The following RAD54B variants were observed in gnomAD, a reference collection of about 807,000 sequenced individuals.
RAD54B encodes DNA repair and recombination protein RAD54B.
A neutral mutation model predicts 95.8 loss-of-function variants in RAD54B; 78 were observed. The ratio of observed to expected loss-of-function variants is 0.81; its 90% CI spans 0.68 to 0.98. RAD54B has a LOEUF of 0.98. Ranked by LOEUF, RAD54B falls within the 50% of genes least tolerant of loss-of-function variation. The pLI, the probability that RAD54B is intolerant of heterozygous loss-of-function variation, is 0.00. For synonymous variants in RAD54B, 328 were observed against 354.9 expected (o/e 0.92, Z 0.85); for missense variants, 957 against 1,056.6 (o/e 0.91, Z 1.31).
At chr8:94,403,064 G>T (rs1044479494) in intron 6 of RAD54B, among the ~76,000 whole-genome samples, 6 of 152,172 alleles carry the variant, frequency 3.9e-5, no homozygotes, top group Admixed American at 3.9e-4. Context: ...ACAGTTTCTG[G>T]AAGACAGTAT....
At chr8:94,410,701 T>TG (rs1358265591) in intron 4 of RAD54B, among the ~76,000 whole-genome samples, 4 of 152,164 alleles carry the variant, frequency 2.6e-5, no homozygotes, top group Non-Finnish European at 5.9e-5. Flanking sequence ...CTTGCTCTGT[T>TG]TTTCAAAACA....
chr8:94,383,278 C>T (rs1481828348), intron 11 of RAD54B, among the ~76,000 whole-genome samples: 14 of 116,426 alleles, frequency 1.2e-4, no homozygotes, highest in Non-Finnish European at 5.3e-5. Flanking sequence ...GAGCAAGACT[C>T]CATCTCAAAA....
At chr8:94,460,466 G>A (rs1412263674) in intron 2 of RAD54B, among the ~76,000 whole-genome samples, 2 of 152,166 alleles carry the variant, frequency 1.3e-5, no homozygotes, top group East Asian at 3.9e-4. Context: ...GCCAGACCCT[G>A]CCTCAAAAAA....
chr8:94,432,331 G>A (rs1812121138), intron 3 of RAD54B: 9 of 1,550,290 alleles, frequency 5.8e-6, no homozygotes, highest in East Asian at 2.4e-5. Context: ...TGCAGGATCT[G>A]AGGATCATAC....
chr8:94,456,409 T>C (rs60654408), intron 3 of RAD54B, among the ~76,000 whole-genome samples: 11,475 of 152,212 alleles, frequency 0.075, 749 homozygotes, highest in African/African-American at 0.15. Context: ...ATAATAACAA[T>C]GTGTGGTTAT....
intron 3 of RAD54B, among the ~76,000 whole-genome samples, chr8:94,440,876 T>A (rs1044585707): frequency 6.6e-6 from 1 of 152,222 alleles, no homozygotes; most frequent in Non-Finnish European, 1.5e-5. Context: ...TTATATTGTT[T>A]TATACTCAGT....
intron 13 of RAD54B, 43 bp downstream of exon 13, chr8:94,378,525 T>C (rs1389953999): frequency 1.2e-5 from 18 of 1,518,336 alleles, no homozygotes; most frequent in Non-Finnish European, 1.6e-5. Flanking sequence ...TAATTTTAAT[T>C]ATTCAAAGAG....
rs1345183125 is a variant in RAD54B, at chr8:94,412,714, CTACT to C, written c.305-1403_305-1400del. On this transcript the variant is annotated intron_variant, in intron 3 of 14. Transcript: ENST00000336148. ...ATTTTTTTTCCTTTTTACTATTTTC[CTACT>C]TACTTAAATAGGAATAAGGCAACAA... Among the ~76,000 whole-genome samples the C allele has an allele frequency of 2.0e-5, 3 of 151,838 alleles. 1 individual carries two copies. In the East Asian group the frequency reaches 5.8e-4, roughly 29 times the overall value.
At chr8:94,467,580 C>A (rs781558069) in intron 1 of RAD54B, 25 bp from the exon 2 acceptor site, 13 of 1,584,186 alleles carry the variant, frequency 8.2e-6, no homozygotes, top group Non-Finnish European at 1.1e-5. Context: ...AAACAGTTAA[C>A]TATCCACGAA....
At chr8:94,395,492 TAG>T (rs1172359016) in intron 8 of RAD54B, among the ~76,000 whole-genome samples, 2 of 152,136 alleles carry the variant, frequency 1.3e-5, no homozygotes, top group African/African-American at 4.8e-5. Flanking sequence ...TTGCAAACTA[TAG>T]AGGAGAATAC....
chr8:94,387,767 A>G (rs1810924847), intron 10 of RAD54B, among the ~76,000 whole-genome samples: 1 of 152,194 alleles, frequency 6.6e-6, no homozygotes, highest in Non-Finnish European at 1.5e-5. Flanking sequence ...TTCCAAGGTG[A>G]TTATCAGCAC....
rs985628045 is a variant in RAD54B at position 94,372,219 on chromosome 8, T to C, written c.2684A>G (p.Asn895Ser). The C allele has an allele frequency of 1.9e-6, 3 of 1,611,900 alleles. No homozygotes were observed. Among genetic ancestry groups the C allele is most frequent in the Non-Finnish European group, 2.5e-6 (3 of 1,179,386 alleles). Residue 895 changes from asparagine to serine, a missense_variant, in exon 15 of 15, where the codon AAT (asparagine) becomes AGT (serine). Transcript: ENST00000336148. The stretch of plus-strand genomic sequence containing the variant: ...TATATTCTGAAAAATGAATGACACA[T>C]TTTCTGTTATTCTTTCAAGAAAAGG... ...TDPFLERITENVSFIFQNITT... is the reference protein window; with the variant it reads ...TDPFLERITESVSFIFQNITT...
At chr8:94,412,631 A>G (rs1409608894) in intron 3 of RAD54B, among the ~76,000 whole-genome samples, 3 of 152,174 alleles carry the variant, frequency 2.0e-5, no homozygotes, top group African/African-American at 7.2e-5. Context: ...TTTACGTCAT[A>G]CACACTTGAA....
intron 3 of RAD54B, chr8:94,428,739 C>A: frequency 1.0e-6 from 1 of 982,832 alleles, no homozygotes. Flanking sequence ...AGTGTACATT[C>A]CATTGTACTA....
intron 6 of RAD54B, 26 bp from the exon 7 acceptor site, chr8:94,400,489 T>G: frequency 6.5e-7 from 1 of 1,540,276 alleles, no homozygotes; most frequent in Non-Finnish European, 8.8e-7. Context: ...TTACTTCCTT[T>G]AATCACAATA....
chr8:94,425,225 T>A (rs2130081590), intron 3 of RAD54B, among the ~76,000 whole-genome samples: 1 of 144,546 alleles, frequency 6.9e-6, no homozygotes, highest in African/African-American at 2.6e-5. Context: ...AAGCCTTTAA[T>A]ATTCTTTTTT....
chr8:94,445,578 T>C (rs1000166095), intron 3 of RAD54B, among the ~76,000 whole-genome samples: 7 of 152,196 alleles, frequency 4.6e-5, no homozygotes, highest in Admixed American at 3.3e-4. Context: ...AGTGTCAAAG[T>C]TGTAAGCAGA....
intron 3 of RAD54B, chr8:94,432,048 G>A (rs960541067): frequency 1.2e-5 from 18 of 1,440,052 alleles, no homozygotes; most frequent in South Asian, 1.1e-4. Flanking sequence ...TTTCAAGAAC[G>A]TGTATTCTGT....
chr8:94,398,279 T>C (rs2450558), intron 8 of RAD54B, among the ~76,000 whole-genome samples: 69,071 of 151,878 alleles, frequency 0.45, 17,511 homozygotes, highest in Non-Finnish European at 0.59. Flanking sequence ...GCACAGATCA[T>C]TTTAAAAATC....
Sources: gnomAD v4.1 joint callset for allele counts (sites outside exome capture counted in the v4.1 genomes callset) on GRCh38, gnomAD v4.1.1 for gene constraint, MANE v1.5 for transcripts, NCBI Gene and HGNC (gene_info 2026-07-23, HGNC 2026-07-21) for gene names.